The following TMTC2 variants were observed in gnomAD, a reference collection of about 807,000 sequenced individuals.
TMTC2 encodes protein O-mannosyl-transferase TMTC2.
A neutral mutation model predicts 82.4 loss-of-function variants in TMTC2; 43 were observed. That is an observed-to-expected ratio of 0.52 (90% confidence interval 0.41 to 0.67). The LOEUF (loss-of-function observed/expected upper bound fraction) is 0.67, where lower values mean the gene tolerates loss of function less well. TMTC2 is among the 30% of genes least tolerant of loss of function. The pLI is 0.00. For synonymous variants in TMTC2, 408 were observed against 381.9 expected (o/e 1.07, Z -0.80); for missense variants, 919 against 1,012.4 (o/e 0.91, Z 1.25).
chr12:83,016,068 G>A (rs1880664538), intron 8 of TMTC2, among the ~76,000 whole-genome samples: 1 of 152,188 alleles, frequency 6.6e-6, no homozygotes, highest in African/African-American at 2.4e-5. Flanking sequence ...TTCGCAGAAG[G>A]TGACTCAAGA....
rs200543630 is a variant in TMTC2 at position 82,913,067 on chromosome 12, A to AC, written c.1483+16424dup. 3.2e-3 allele frequency among the ~76,000 whole-genome samples: 491 copies of AC among 152,250 alleles called. 6 individuals are homozygous for AC. Among genetic ancestry groups the AC allele is most frequent in the Admixed American group, 0.03 (457 of 15,290 alleles). On this transcript the variant is annotated intron_variant, in intron 3 of 11. Coordinates refer to ENST00000321196, the MANE Select transcript of TMTC2 (RefSeq NM_152588.3). ...TTAGTATATTACGATTACTGTACAAACCCATGTATTCTGCATTTTTCTTAT... is the reference window on the plus strand; with the variant it reads ...TTAGTATATTACGATTACTGTACAAACCCCATGTATTCTGCATTTTTCTTAT...
chr12:82,938,966 A>G (rs569417003), intron 4 of TMTC2, among the ~76,000 whole-genome samples: 3 of 152,226 alleles, frequency 2.0e-5, no homozygotes, highest in African/African-American at 7.2e-5. Context: ...ATGAATCATT[A>G]TTAATTTTTG....
chr12:82,958,372 A>AC lies in TMTC2; in HGVS notation c.1599-6652_1599-6651insC, dbSNP rs1375078454. On this transcript the variant is annotated intron_variant, in intron 4 of 11. Coordinates refer to ENST00000321196, the MANE Select transcript of TMTC2 (RefSeq NM_152588.3). ...TCTGTCTCAAAAAAAAAAAAAAAAC[A>AC]AAAAAAACAAAAAAACTACTGACCA... Among the ~76,000 whole-genome samples, 5 of 9,652 alleles carry AC rather than the reference A, an allele frequency of 5.2e-4. No individual in the cohort carries two copies. The East Asian group carries it at 0.026, about 50-fold the overall frequency. The allele number at this position is 9,652 out of a possible 152,430, so 6.3% of individuals were successfully genotyped here.
At chr12:82,730,169 C>T (rs1219021862) in intron 1 of TMTC2, among the ~76,000 whole-genome samples, 1 of 151,958 alleles carries the variant, frequency 6.6e-6, no homozygotes, top group Non-Finnish European at 1.5e-5. Context: ...CTGGCACGTG[C>T]CTGGAGTCCC....
At chr12:82,963,937 C>T (rs1878071061) in intron 4 of TMTC2, among the ~76,000 whole-genome samples, 1 of 147,364 alleles carries the variant, frequency 6.8e-6, no homozygotes, top group African/African-American at 2.5e-5. Context: ...TTAATATATG[C>T]TTTTGACACA....
In TMTC2 at chr12:83,133,699, A is replaced by G. The variant is rs1885339251; in HGVS notation, c.*1310A>G. ...GACTATAAATTAAGTAGAGAACAAC[A>G]TTTTTATTGAACATTTTTGGCTTGC... On this transcript the variant is annotated 3_prime_UTR_variant, in exon 12 of 12. Coordinates refer to ENST00000321196, the MANE Select transcript of TMTC2 (RefSeq NM_152588.3). 6.6e-6 allele frequency: 1 copy of G among 152,216 alleles called. No homozygotes were observed. Among genetic ancestry groups the G allele is most frequent in the Non-Finnish European group, 1.5e-5 (1 of 68,022 alleles). 9.4% of individuals were successfully genotyped at this position (152,216 alleles called of 1,614,324 possible).
chr12:82,744,893 A>G (rs911302597), intron 1 of TMTC2, among the ~76,000 whole-genome samples: 2 of 152,206 alleles, frequency 1.3e-5, no homozygotes, highest in African/African-American at 4.8e-5. Context: ...TGTATCTTTC[A>G]GAAAATAACT....
intron 9 of TMTC2, among the ~76,000 whole-genome samples, chr12:83,033,707 C>T (rs1881537772): frequency 6.6e-6 from 1 of 151,714 alleles, no homozygotes; most frequent in South Asian, 2.1e-4. Flanking sequence ...GCCAAGATCG[C>T]ACCACTGCAC....
chr12:82,979,588 C>T (rs1357885895), intron 7 of TMTC2, among the ~76,000 whole-genome samples: 1 of 151,718 alleles, frequency 6.6e-6, no homozygotes, highest in Admixed American at 6.6e-5. Context: ...ATTTTTCAAT[C>T]TTTCAACTCA....
At chr12:83,039,627 A>G (rs1217790407) in intron 9 of TMTC2, among the ~76,000 whole-genome samples, 2 of 152,122 alleles carry the variant, frequency 1.3e-5, no homozygotes, top group African/African-American at 4.8e-5. Flanking sequence ...GTCATCAAGC[A>G]GTGACTTTGG....
At chr12:82,987,301 G>A (rs905826511) in intron 8 of TMTC2, among the ~76,000 whole-genome samples, 3 of 151,466 alleles carry the variant, frequency 2.0e-5, no homozygotes, top group African/African-American at 7.3e-5. Flanking sequence ...ATGCGTCCCT[G>A]TTATCCCAGC....
At chr12:83,035,356 G>T (rs1381784702) in intron 9 of TMTC2, among the ~76,000 whole-genome samples, 1 of 152,148 alleles carries the variant, frequency 6.6e-6, no homozygotes, top group African/African-American at 2.4e-5. Context: ...AGCTAGGCAG[G>T]TTTATACAGT....
chr12:82,856,554 A>C (rs1871266714), intron 1 of TMTC2, among the ~76,000 whole-genome samples: 1 of 152,184 alleles, frequency 6.6e-6, no homozygotes, highest in African/African-American at 2.4e-5. Flanking sequence ...ATGTATGAGA[A>C]GCACCGGGCA....
At chr12:82,827,673 C>T (rs1033540361) in intron 1 of TMTC2, among the ~76,000 whole-genome samples, 3 of 150,510 alleles carry the variant, frequency 2.0e-5, no homozygotes, top group Admixed American at 6.7e-5. Flanking sequence ...CTTTTCTTTT[C>T]TTTCTTTTAT....
chr12:82,845,830 C>T (rs537448724), intron 1 of TMTC2, among the ~76,000 whole-genome samples: 90 of 151,792 alleles, frequency 5.9e-4, no homozygotes, highest in African/African-American at 2.2e-3. Context: ...TTGCAAAATG[C>T]TTTTCATATA....
At chr12:83,018,500 G>A (rs57992360) in intron 8 of TMTC2, among the ~76,000 whole-genome samples, 1,780 of 152,242 alleles carry the variant, frequency 0.012, 41 homozygotes, top group African/African-American at 0.041. Context: ...TGGAGTCATG[G>A]CTAATAGCTA....
intron 1 of TMTC2, among the ~76,000 whole-genome samples, chr12:82,803,950 C>T (rs1482926378): frequency 1.3e-5 from 2 of 152,040 alleles, no homozygotes; most frequent in African/African-American, 4.8e-5. Context: ...GCCTTGTGCC[C>T]TTCAGTGGAA....
intron 1 of TMTC2, among the ~76,000 whole-genome samples, chr12:82,692,907 G>A (rs1004391899): frequency 6.6e-6 from 1 of 152,158 alleles, no homozygotes; most frequent in African/African-American, 2.4e-5. Context: ...ATAATTGCTG[G>A]TGTAATTACA....
intron 11 of TMTC2, among the ~76,000 whole-genome samples, chr12:83,109,222 G>A (rs558489134): frequency 2.5e-4 from 38 of 152,256 alleles, no homozygotes; most frequent in Non-Finnish European, 4.6e-4. Flanking sequence ...CTTCTGGGGG[G>A]GCCTCAGGAA....
Sources: gnomAD v4.1 joint callset for allele counts (sites outside exome capture counted in the v4.1 genomes callset) on GRCh38, gnomAD v4.1.1 for gene constraint, MANE v1.5 for transcripts, NCBI Gene and HGNC (gene_info 2026-07-23, HGNC 2026-07-21) for gene names.